The following SYNCRIP variants were observed in gnomAD, a reference collection of about 807,000 sequenced individuals.
SYNCRIP encodes the protein synaptotagmin binding cytoplasmic RNA interacting protein.
In SYNCRIP, 9 loss-of-function variants were observed where a neutral mutation model predicts 68.9. That is an observed-to-expected ratio of 0.13 (90% CI 0.08 to 0.23). SYNCRIP has a LOEUF of 0.23. Ranked by LOEUF, SYNCRIP falls within the 10% of genes least tolerant of loss-of-function variation. The pLI, the probability that SYNCRIP is intolerant of heterozygous loss-of-function variation, is 1.00. For synonymous variants in SYNCRIP, 258 were observed against 254.0 expected (o/e 1.02, Z -0.15); for missense variants, 414 against 770.6 (o/e 0.54, Z 5.48).
chr6:85,618,216 T>G (rs1200220352), intron 10 of SYNCRIP, among the ~76,000 whole-genome samples: 2 of 152,082 alleles, frequency 1.3e-5, no homozygotes, highest in African/African-American at 4.8e-5. Flanking sequence ...TAAGACATTT[T>G]CAGAAGAACA....
At chr6:85,634,765 T>C (rs1269259351) in intron 6 of SYNCRIP, among the ~76,000 whole-genome samples, 2 of 152,188 alleles carry the variant, frequency 1.3e-5, no homozygotes, top group Non-Finnish European at 2.9e-5. Flanking sequence ...GGCAAAAATA[T>C]TCTACTCTTT....
intron 10 of SYNCRIP, 152 bp from the exon 11 acceptor site, chr6:85,615,499 G>T: frequency 2.0e-6 from 1 of 510,036 alleles, no homozygotes; most frequent in African/African-American, 2.0e-5. Context: ...TTAAGTTTTA[G>T]TAGTAGTAAT....
Position 85,619,434 on chromosome 6 carries a change from A to G in SYNCRIP, c.1009-17T>C, listed in dbSNP as rs1562081038. 5 of 1,604,816 alleles carry G rather than the reference A, an allele frequency of 3.1e-6. No individual in the cohort carries two copies. Among genetic ancestry groups the G allele is most frequent in the Non-Finnish European group, 4.2e-6 (5 of 1,176,904 alleles). ...CACTTTTACCTAGGGGGAAGAAAAT[A>G]CCCCCCTGTATTATTTCCAAAGAGT... On this transcript the variant is annotated splice_polypyrimidine_tract_variant and intron_variant, in intron 8 of 10. Transcript: ENST00000369622.
intron 6 of SYNCRIP, among the ~76,000 whole-genome samples, chr6:85,627,579 G>A (rs901733658): frequency 4.6e-5 from 7 of 152,058 alleles, no homozygotes; most frequent in Non-Finnish European, 2.9e-5. Flanking sequence ...GTTATATGGT[G>A]AATGGTGTAA....
At chr6:85,628,854 T>C (rs1007970706) in intron 6 of SYNCRIP, among the ~76,000 whole-genome samples, 2 of 152,188 alleles carry the variant, frequency 1.3e-5, no homozygotes, top group African/African-American at 4.8e-5. Flanking sequence ...TGAATGGAGA[T>C]TCAAGTTACC....
intron 6 of SYNCRIP, among the ~76,000 whole-genome samples, chr6:85,628,495 G>A (rs1807327784): frequency 6.6e-6 from 1 of 152,072 alleles, no homozygotes; most frequent in African/African-American, 2.4e-5. Flanking sequence ...TCTATGCTTG[G>A]CTAATCATTG....
At chr6:85,635,150 G>C (rs776794999) in intron 6 of SYNCRIP, among the ~76,000 whole-genome samples, 3 of 152,056 alleles carry the variant, frequency 2.0e-5, no homozygotes, top group Admixed American at 6.6e-5. Context: ...GGGTGACAGA[G>C]ACTTTGTCTC....
Position 85,614,634 on chromosome 6 carries a change from T to C in SYNCRIP, c.*122A>G. ...CTTTGTTCGTGTCCAAGCGGATTGT[T>C]AAAATATATACATAAAGGGAAATCT... On this transcript the variant is annotated 3_prime_UTR_variant, in exon 11 of 11. Transcript: ENST00000369622. 1 of 1,374,486 alleles carries C rather than the reference T, an allele frequency of 7.3e-7. No individual in the cohort carries two copies. The allele number at this position is 1,374,486 out of a possible 1,614,324, so 85.1% of individuals were successfully genotyped here. A position where few individuals can be genotyped will look rare whatever the true frequency, so the allele number is the denominator to read the frequency against.
intron 10 of SYNCRIP, among the ~76,000 whole-genome samples, chr6:85,616,907 G>C (rs1050532509): frequency 2.0e-5 from 3 of 152,106 alleles, no homozygotes; most frequent in Admixed American, 2.0e-4. Flanking sequence ...AGAGGCCAAG[G>C]ATGCTGCTAA....
intron 6 of SYNCRIP, among the ~76,000 whole-genome samples, chr6:85,631,892 G>A (rs779927197): frequency 2.6e-5 from 4 of 152,136 alleles, no homozygotes; most frequent in Non-Finnish European, 5.9e-5. Flanking sequence ...AGGTGATAAC[G>A]TAGCATCTAA....
chr6:85,624,224 T>C, intron 6 of SYNCRIP, 112 bp from the exon 7 acceptor site: 3 of 1,044,822 alleles, frequency 2.9e-6, no homozygotes, highest in Non-Finnish European at 4.2e-6. Context: ...TTACCTTAAT[T>C]CCCATACAAG....
At position 85,614,895 on chromosome 6, in the gene SYNCRIP, C is replaced by T. The variant is rs1325749746; in HGVS notation, c.1733G>A (p.Arg578His). The T allele has an allele frequency of 6.2e-6, 10 of 1,614,136 alleles. No individual in the cohort carries two copies. The highest frequency in any genetic ancestry group is 1.1e-5 in the South Asian group (1 of 91,080). ...GCCCCAGTTCTGATTATTGGTCTGG[C>T]GCCGCTTGGAATCTGGCTGGTTGTA... The part of the protein sequence containing the change: ...DGYNQPDSKR[R>H]QTNNQNWGSQ... The change falls in exon 11 of 11, where the codon CGC (arginine) becomes CAC (histidine). Residue 578 changes from arginine (R) to histidine (H), a missense_variant. Transcript: ENST00000369622.
At chr6:85,612,979 T>C (rs1805360653), downstream of SYNCRIP, 1 of 1,523,512 alleles carries the variant, frequency 6.6e-7, no homozygotes, top group South Asian at 1.2e-5. Context: ...TAATAATGTG[T>C]ACATACATAA....
Position 85,614,795 on chromosome 6 carries a change from C to A in SYNCRIP, c.1833G>T (p.Gln611His). ...SGNYGYKSENQEFYQDTFGQQ... is the reference protein window; with the variant it reads ...SGNYGYKSENHEFYQDTFGQQ... ...GCCCAAAAGTATCCTGATAAAACTCCTGGTTTTCAGATTTGTAACCATAGT... is the reference window on the plus strand; with the variant it reads ...GCCCAAAAGTATCCTGATAAAACTCATGGTTTTCAGATTTGTAACCATAGT... Residue 611 changes from glutamine to histidine, a missense_variant, in exon 11 of 11, where the codon CAG (glutamine) becomes CAT (histidine). Around this residue, in one of 6 missense-constraint regions of SYNCRIP, gnomAD observed 130 missense variants for 149.0 expected, o/e 0.87. Coordinates refer to ENST00000369622, the MANE Select transcript of SYNCRIP (RefSeq NM_006372.5). 1.9e-6 allele frequency: 3 copies of A among 1,610,538 alleles called. No individual in the cohort carries two copies. The highest frequency in any genetic ancestry group is 2.5e-6 in the Non-Finnish European group (3 of 1,178,830).
chr6:85,620,943 C>T (rs1242686563), intron 8 of SYNCRIP, among the ~76,000 whole-genome samples: 1 of 152,160 alleles, frequency 6.6e-6, no homozygotes, highest in African/African-American at 2.4e-5. Context: ...TAACACTTAA[C>T]AAGAGTGGCC....
Position 85,614,584 on chromosome 6 carries a change from TC to T in SYNCRIP, c.*171del, listed in dbSNP as rs1352355542. 1.6e-6 allele frequency: 2 copies of T among 1,287,728 alleles called. No homozygotes were observed. Among genetic ancestry groups the T allele is most frequent in the Non-Finnish European group, 2.0e-6 (2 of 1,019,416 alleles). 79.8% of individuals were successfully genotyped at this position (1,287,728 alleles called of 1,614,324 possible). A position where few individuals can be genotyped will look rare whatever the true frequency, so the allele number is the denominator to read the frequency against. On this transcript the variant is annotated 3_prime_UTR_variant, in exon 11 of 11. Transcript: ENST00000369622. ...GAAAAAAATTAAAAATAAAATCAGT[TC>T]GCCAGAAGCAGTTAGAAGTGTGGCT...
At chr6:85,622,457 A>T in intron 8 of SYNCRIP, 25 bp downstream of exon 8, 1 of 1,610,418 alleles carries the variant, frequency 6.2e-7, no homozygotes. Context: ...CCCTCAAAAA[A>T]TATTTTTAAC....
intron 6 of SYNCRIP, among the ~76,000 whole-genome samples, chr6:85,635,624 G>A (rs1482838755): frequency 6.6e-6 from 1 of 151,842 alleles, no homozygotes; most frequent in African/African-American, 2.4e-5. Context: ...ACAAAATTTA[G>A]CCAGGTGTGG....
Position 85,637,028 on chromosome 6 carries a change from T to C in SYNCRIP, c.605A>G (p.Asn202Ser). ...RLMMDPLTGL[N>S]RGYAFVTFCT... ...AAAAGTGACAAACGCATAACCTCTA[T>C]TGAGACCAGTGAGTGGATCCATCAT... Residue 202 changes from asparagine to serine, a missense_variant, in exon 6 of 11, where the codon AAT becomes AGT. Transcript: ENST00000369622. 1 of 1,614,120 alleles carries C rather than the reference T, an allele frequency of 6.2e-7. No homozygotes were observed. The highest frequency in any genetic ancestry group is 8.5e-7 in the Non-Finnish European group (1 of 1,180,022).
Sources: gnomAD v4.1 joint callset for allele counts (sites outside exome capture counted in the v4.1 genomes callset) on GRCh38, gnomAD v4.1.1 for gene constraint, gnomAD v4.1.1 regional missense constraint, MANE v1.5 for transcripts, NCBI Gene and HGNC (gene_info 2026-07-23, HGNC 2026-07-21) for gene names.